The following ADAMTS17 variants were observed in gnomAD, a reference collection of about 807,000 sequenced individuals.
ADAMTS17 encodes the protein ADAM metallopeptidase with thrombospondin type 1 motif 17.
Under a neutral mutation model 141.5 loss-of-function variants are expected in ADAMTS17, and 113 were observed. The observed-to-expected ratio is 0.80, with a 90% CI of 0.69 to 0.93. The LOEUF (loss-of-function observed/expected upper bound fraction) is 0.93. Among genes scored for constraint, ADAMTS17 ranks in the 40% least tolerant of loss-of-function variants. The pLI is 0.00. For synonymous variants in ADAMTS17, 768 were observed against 630.6 expected (o/e 1.22, Z -3.27); for missense variants, 1,659 against 1,517.9 (o/e 1.09, Z -1.54).
At chr15:100,091,504 G>GT in intron 15 of ADAMTS17, among the ~76,000 whole-genome samples, 1 of 152,322 alleles carries the variant, frequency 6.6e-6, no homozygotes, top group East Asian at 1.9e-4. Context: ...AGGACCAGCA[G>GT]TAAGAAGGAA....
chr15:100,315,837 T>C (rs1401142646), intron 3 of ADAMTS17, among the ~76,000 whole-genome samples: 1 of 152,250 alleles, frequency 6.6e-6, no homozygotes, highest in Non-Finnish European at 1.5e-5. Flanking sequence ...GGCTTATCCA[T>C]TTCCAATTGT....
At chr15:100,207,801 G>A (rs2041634844) in intron 7 of ADAMTS17, among the ~76,000 whole-genome samples, 1 of 152,106 alleles carries the variant, frequency 6.6e-6, no homozygotes, top group Non-Finnish European at 1.5e-5. Context: ...GAGAAACTAA[G>A]GCACCAGGGA....
At chr15:100,275,992 G>A (rs1482359967) in intron 4 of ADAMTS17, among the ~76,000 whole-genome samples, 2 of 64,718 alleles carry the variant, frequency 3.1e-5, no homozygotes, top group Admixed American at 1.8e-4. Flanking sequence ...TGACCACAGA[G>A]ACCTAAGTGG....
chr15:100,026,594 T>G (rs2061519612), intron 18 of ADAMTS17, among the ~76,000 whole-genome samples: 1 of 152,218 alleles, frequency 6.6e-6, no homozygotes, highest in African/African-American at 2.4e-5. Flanking sequence ...CTATCACACT[T>G]CAGTTGTCCT....
At chr15:100,019,723 G>A (rs938619784) in intron 18 of ADAMTS17, among the ~76,000 whole-genome samples, 6 of 152,238 alleles carry the variant, frequency 3.9e-5, no homozygotes, top group African/African-American at 7.2e-5. Context: ...AGACGCCTGT[G>A]TGGGCCAAGC....
At chr15:100,115,988 T>A (rs1180488675) in intron 13 of ADAMTS17, among the ~76,000 whole-genome samples, 3 of 152,124 alleles carry the variant, frequency 2.0e-5, no homozygotes, top group African/African-American at 7.2e-5. Context: ...TTCCCTCTCA[T>A]CTTCTGCACA....
At chr15:100,184,413 T>C (rs2040632113) in intron 8 of ADAMTS17, among the ~76,000 whole-genome samples, 1 of 152,238 alleles carries the variant, frequency 6.6e-6, no homozygotes, top group Non-Finnish European at 1.5e-5. Flanking sequence ...TGAGCCTTCT[T>C]CTTTCCATCT....
chr15:100,316,474 C>T (rs62038104), intron 3 of ADAMTS17, among the ~76,000 whole-genome samples: 3 of 152,138 alleles, frequency 2.0e-5, no homozygotes, highest in Non-Finnish European at 4.4e-5. Flanking sequence ...AAGCCCATTG[C>T]CTGCAGCAAC....
At chr15:100,331,629 G>T (rs538972002) in intron 2 of ADAMTS17, among the ~76,000 whole-genome samples, 1 of 152,276 alleles carries the variant, frequency 6.6e-6, no homozygotes, top group Admixed American at 6.5e-5. Context: ...GACCTGGTTT[G>T]AACACTGATC....
chr15:100,318,850 G>A (rs78119169), intron 3 of ADAMTS17, among the ~76,000 whole-genome samples: 4,224 of 152,298 alleles, frequency 0.028, 101 homozygotes, highest in African/African-American at 0.059. Flanking sequence ...GGGGGAATCT[G>A]GCCAGGACCC....
intron 6 of ADAMTS17, chr15:100,256,951 T>G (rs1255201756): frequency 6.6e-6 from 1 of 152,614 alleles, no homozygotes; most frequent in Non-Finnish European, 1.5e-5. Flanking sequence ...AAACCCAGCT[T>G]CAACCGCTTC....
chr15:100,244,038 C>G (rs1268093701), intron 7 of ADAMTS17, among the ~76,000 whole-genome samples: 1 of 152,132 alleles, frequency 6.6e-6, no homozygotes, highest in Non-Finnish European at 1.5e-5. Context: ...AATGGACTCA[C>G]AGTTCCACAT....
rs2141997366 is a variant in ADAMTS17 at position 100,341,111 on chromosome 15, G to A, written c.378C>T (p.Phe126=). Residue 126 remains phenylalanine, a synonymous_variant, in exon 2 of 22, where the codon TTC becomes TTT. Coordinates refer to ENST00000268070, the MANE Select transcript of ADAMTS17 (RefSeq NM_139057.4). ...GGTGGCCGAGCACACGGCCCGAGTAGAAGCACAGCTCGGCGGGGCGGCCGC... is the reference window on the plus strand; with the variant it reads ...GGTGGCCGAGCACACGGCCCGAGTAAAAGCACAGCTCGGCGGGGCGGCCGC... The part of the protein sequence containing the change: ...RRRGRPAELC[F]YSGRVLGHPG... 6.7e-7 allele frequency: 1 copy of A among 1,497,522 alleles called. No individual in the cohort carries two copies. Among genetic ancestry groups the A allele is most frequent in the Middle Eastern group, 2.4e-4 (1 of 4,232 alleles). The allele number at this position is 1,497,522 out of a possible 1,614,324, so 92.8% of individuals were successfully genotyped here. A position where few individuals can be genotyped will look rare whatever the true frequency, so the allele number is the denominator to read the frequency against.
chr15:100,071,223 C>G (rs2033946935), intron 15 of ADAMTS17, among the ~76,000 whole-genome samples: 2 of 150,308 alleles, frequency 1.3e-5, no homozygotes, highest in African/African-American at 4.9e-5. Flanking sequence ...AGACCAATAA[C>G]AGGCTCAGAA....
intron 4 of ADAMTS17, among the ~76,000 whole-genome samples, chr15:100,268,260 T>C (rs1352611377): frequency 1.3e-5 from 2 of 152,200 alleles, no homozygotes; most frequent in Non-Finnish European, 2.9e-5. Context: ...GTAATGAACA[T>C]ATGCATGCAT....
chr15:100,209,710 G>C (rs568015729), intron 7 of ADAMTS17, among the ~76,000 whole-genome samples: 24 of 152,248 alleles, frequency 1.6e-4, no homozygotes, highest in African/African-American at 4.8e-4. Context: ...GGCAGAATCA[G>C]TGGCAGACAA....
chr15:100,071,199 T>C (rs1051208639), intron 15 of ADAMTS17, among the ~76,000 whole-genome samples: 4 of 150,332 alleles, frequency 2.7e-5, no homozygotes, highest in African/African-American at 9.8e-5. Flanking sequence ...CAGGAAGAAG[T>C]TGAATCTCTG....
chr15:100,068,572 G>A (rs923969642), intron 15 of ADAMTS17, among the ~76,000 whole-genome samples: 1 of 152,190 alleles, frequency 6.6e-6, no homozygotes, highest in African/African-American at 2.4e-5. Flanking sequence ...GGAACGATCA[G>A]GCAGCAACAT....
Position 100,184,282 on chromosome 15 carries a change from A to G in ADAMTS17, c.1181+15036T>C, listed in dbSNP as rs372090870. 2.7e-4 allele frequency among the ~76,000 whole-genome samples: 38 copies of G among 143,244 alleles called. No individual in the cohort carries two copies. The East Asian group carries it at 7.6e-3, about 28-fold the overall frequency. The allele number at this position is 143,244 out of a possible 152,430, so 94.0% of individuals were successfully genotyped here. ...TGTCTAAGACTGTGGAAAGCTCCAG[A>G]CTGTGGAAAGCTCCAGGCTGCAGGC... On this transcript the variant is annotated intron_variant, in intron 8 of 21. Transcript: ENST00000268070.
Sources: gnomAD v4.1 joint callset for allele counts (sites outside exome capture counted in the v4.1 genomes callset) on GRCh38, gnomAD v4.1.1 for gene constraint, MANE v1.5 for transcripts, NCBI Gene and HGNC (gene_info 2026-07-23, HGNC 2026-07-21) for gene names.